AHCTF1: variants seen among roughly 807,000 people sequenced by gnomAD.
The protein encoded by AHCTF1 is protein ELYS.
Under a neutral mutation model 248.4 loss-of-function variants are expected in AHCTF1, and 24 were observed. The ratio of observed to expected loss-of-function variants is 0.10; its 90% CI spans 0.07 to 0.14. The LOEUF (loss-of-function observed/expected upper bound fraction) is 0.14, where lower values mean the gene tolerates loss of function less well. Ranked by LOEUF, AHCTF1 falls within the 10% of genes least tolerant of loss-of-function variation. The pLI, the probability that AHCTF1 is intolerant of heterozygous loss-of-function variation, is 1.00. For synonymous variants in AHCTF1, 786 were observed against 929.8 expected (o/e 0.85, Z 2.81); for missense variants, 2,206 against 2,636.2 (o/e 0.84, Z 3.57).
intron 1 of AHCTF1, among the ~76,000 whole-genome samples, chr1:246,920,702 G>A (rs557356657): frequency 6.0e-4 from 91 of 151,756 alleles, no homozygotes; most frequent in Admixed American, 3.2e-3. Flanking sequence ...CCTGGGAGGC[G>A]GAGCTTGCAG....
chr1:246,858,857 T>C (rs1661306985), intron 29 of AHCTF1, among the ~76,000 whole-genome samples: 1 of 151,618 alleles, frequency 6.6e-6, no homozygotes, highest in Non-Finnish European at 1.5e-5. Flanking sequence ...ATTGTAAGAA[T>C]AATCAGTGAA....
intron 21 of AHCTF1, among the ~76,000 whole-genome samples, chr1:246,882,098 C>T (rs975343115): frequency 9.3e-5 from 14 of 151,156 alleles, no homozygotes; most frequent in Non-Finnish European, 1.8e-4. Flanking sequence ...CCTGGGTTCA[C>T]GCCATTCTCC....
Position 246,850,176 on chromosome 1 carries a change from T to C in AHCTF1, c.5830A>G (p.Ser1944Gly). 1 of 1,613,972 alleles carries C rather than the reference T, an allele frequency of 6.2e-7. No individual in the cohort carries two copies. Among genetic ancestry groups the C allele is most frequent in the Non-Finnish European group, 8.5e-7 (1 of 1,179,854 alleles). Residue 1944 changes from serine to glycine, a missense_variant, in exon 33 of 36, where the codon AGT becomes GGT. Transcript: ENST00000648844. ...HVRRVRGREV[S>G]PSDVREDSNL... ...GAGTCTTCTCTCACATCTGATGGAC[T>C]AACTTCTCTCCCTCTGACCCTTCTA... is the stretch of plus-strand genomic sequence containing the variant.
chr1:246,862,581 A>G (rs947169442), intron 27 of AHCTF1, among the ~76,000 whole-genome samples: 1 of 152,206 alleles, frequency 6.6e-6, no homozygotes, highest in Admixed American at 6.5e-5. Context: ...CAATAGAAAT[A>G]TTTATTCCAG....
chr1:246,857,401 G>A (rs1232060550), intron 30 of AHCTF1, among the ~76,000 whole-genome samples: 1 of 152,210 alleles, frequency 6.6e-6, no homozygotes, highest in Non-Finnish European at 1.5e-5. Context: ...GGAAAGCAGA[G>A]GGCATGGAGG....
intron 35 of AHCTF1, among the ~76,000 whole-genome samples, chr1:246,841,364 A>T (rs1201272011): frequency 6.6e-6 from 1 of 152,228 alleles, no homozygotes; most frequent in Non-Finnish European, 1.5e-5. Context: ...GTGGCATGTC[A>T]GAAATGTCAA....
At chr1:246,858,653 C>T (rs1482466778) in intron 29 of AHCTF1, among the ~76,000 whole-genome samples, 3 of 151,758 alleles carry the variant, frequency 2.0e-5, no homozygotes, top group Non-Finnish European at 4.4e-5. Flanking sequence ...CATGGTGAAA[C>T]CCCGCCTCTA....
At chr1:246,929,995 T>C (rs1251446250) in intron 1 of AHCTF1, among the ~76,000 whole-genome samples, 1 of 150,212 alleles carries the variant, frequency 6.7e-6, no homozygotes, top group Non-Finnish European at 1.5e-5. Flanking sequence ...GAGGTTGCAG[T>C]GAGCCAAGAT....
chr1:246,866,271 C>T (rs558189602), intron 26 of AHCTF1, among the ~76,000 whole-genome samples: 17 of 152,082 alleles, frequency 1.1e-4, no homozygotes, highest in African/African-American at 3.1e-4. Context: ...TATTGCTCCC[C>T]GCAACCTCAG....
intron 8 of AHCTF1, among the ~76,000 whole-genome samples, chr1:246,902,131 T>A (rs7553684): frequency 0.26 from 39,528 of 151,816 alleles, 5,269 homozygotes; most frequent in Admixed American, 0.31. Context: ...AAAAAACCGA[T>A]GCAAAAAAAA....
chr1:246,848,123 G>A (rs1016135920), intron 33 of AHCTF1, among the ~76,000 whole-genome samples: 4 of 152,150 alleles, frequency 2.6e-5, no homozygotes, highest in Non-Finnish European at 5.9e-5. Flanking sequence ...GGGGAGAGGA[G>A]GATCCCCTAT....
At chr1:246,862,443 G>T (rs1372920109) in intron 27 of AHCTF1, among the ~76,000 whole-genome samples, 1 of 151,136 alleles carries the variant, frequency 6.6e-6, no homozygotes, top group East Asian at 1.9e-4. Context: ...TTGCGCCACT[G>T]CACTCCAGCC....
intron 20 of AHCTF1, among the ~76,000 whole-genome samples, chr1:246,886,429 T>C (rs1470833451): frequency 6.6e-6 from 1 of 152,242 alleles, no homozygotes; most frequent in Non-Finnish European, 1.5e-5. Context: ...ATTTACATTG[T>C]ATTAGATGTT....
intron 1 of AHCTF1, chr1:246,931,000 AG>A: frequency 7.8e-7 from 1 of 1,285,136 alleles, no homozygotes; most frequent in Non-Finnish European, 1.0e-6. Context: ...TTTCCCAGGT[AG>A]GAAAAAGGAA....
chr1:246,868,984 A>C (rs573678661), intron 24 of AHCTF1, among the ~76,000 whole-genome samples: 1 of 142,598 alleles, frequency 7.0e-6, no homozygotes. Context: ...AGCTGGGACT[A>C]CAGGCGCCCG....
chr1:246,873,583 A>AT (rs1304387261), intron 24 of AHCTF1, among the ~76,000 whole-genome samples: 1 of 152,190 alleles, frequency 6.6e-6, no homozygotes, highest in Non-Finnish European at 1.5e-5. Context: ...ACACTAGTCA[A>AT]TTTCTCCTGC....
chr1:246,901,242 G>A (rs1664974820), intron 8 of AHCTF1, among the ~76,000 whole-genome samples: 1 of 152,222 alleles, frequency 6.6e-6, no homozygotes, highest in African/African-American at 2.4e-5. Context: ...TCAGGAGGCT[G>A]AGGTGGGAGG....
At chr1:246,913,845 A>G (rs1470636221) in intron 3 of AHCTF1, among the ~76,000 whole-genome samples, 3 of 152,232 alleles carry the variant, frequency 2.0e-5, no homozygotes, top group African/African-American at 7.2e-5. Flanking sequence ...AAGCTCTTAA[A>G]CAGCTACTCT....
At chr1:246,928,930 A>G (rs919015650) in intron 1 of AHCTF1, among the ~76,000 whole-genome samples, 5 of 152,194 alleles carry the variant, frequency 3.3e-5, no homozygotes, top group African/African-American at 1.2e-4. Flanking sequence ...CTTTTAAAAC[A>G]CCGTGTTAGT....
Sources: gnomAD v4.1 joint callset for allele counts (sites outside exome capture counted in the v4.1 genomes callset) on GRCh38, gnomAD v4.1.1 for gene constraint, MANE v1.5 for transcripts, NCBI Gene and HGNC (gene_info 2026-07-23, HGNC 2026-07-21) for gene names.